Variants in LRRC8D observed in about 807,000 individuals in gnomAD.
LRRC8D encodes leucine rich repeat containing 8 VRAC subunit D, also known as volume-regulated anion channel subunit LRRC8D.
Under a neutral mutation model 55.8 loss-of-function variants are expected in LRRC8D, and 20 were observed. The ratio of observed to expected loss-of-function variants is 0.36; its 90% CI spans 0.25 to 0.52. The LOEUF is 0.52. LRRC8D is among the 20% of genes least tolerant of loss of function. The pLI, the probability that LRRC8D is intolerant of heterozygous loss-of-function variation, is 0.93. For missense variants in LRRC8D, 651 were observed against 1,030.8 expected (o/e 0.63, Z 5.05); for synonymous variants, 352 against 377.0 (o/e 0.93, Z 0.77).
chr1:89,860,855 A>T (rs1661702371), intron 2 of LRRC8D, among the ~76,000 whole-genome samples: 1 of 139,656 alleles, frequency 7.2e-6, no homozygotes, highest in African/African-American at 2.6e-5. Flanking sequence ...TTTTCCTTGA[A>T]ATTCTTTTTA....
At chr1:89,889,236 G>A (rs756548047) in intron 2 of LRRC8D, among the ~76,000 whole-genome samples, 2 of 152,128 alleles carry the variant, frequency 1.3e-5, no homozygotes, top group Non-Finnish European at 2.9e-5. Flanking sequence ...ACTAATTCCA[G>A]TTGGTGGTCA....
intron 2 of LRRC8D, among the ~76,000 whole-genome samples, chr1:89,859,959 A>T (rs149854634): frequency 6.6e-6 from 1 of 152,372 alleles, no homozygotes; most frequent in Non-Finnish European, 1.5e-5. Context: ...CTCTAGATGA[A>T]GAATCAGTAT....
chr1:89,923,421 A>T (rs946398833), intron 2 of LRRC8D, among the ~76,000 whole-genome samples: 3 of 152,248 alleles, frequency 2.0e-5, no homozygotes, highest in Non-Finnish European at 4.4e-5. Flanking sequence ...TATGGATAGG[A>T]TGCAGAGAAA....
intron 2 of LRRC8D, among the ~76,000 whole-genome samples, chr1:89,874,364 A>G (rs564483528): frequency 5.3e-5 from 8 of 152,178 alleles, no homozygotes; most frequent in Admixed American, 1.3e-4. Context: ...TCTCATCTAT[A>G]ATGAGATGGA....
chr1:89,909,030 G>A (rs1436532042), intron 2 of LRRC8D, among the ~76,000 whole-genome samples: 2 of 152,130 alleles, frequency 1.3e-5, no homozygotes, highest in African/African-American at 2.4e-5. Context: ...TTGCGTGTGT[G>A]TGTGTGTCTG....
chr1:89,840,299 C>T (rs896935047), intron 1 of LRRC8D, among the ~76,000 whole-genome samples: 15 of 152,246 alleles, frequency 9.9e-5, no homozygotes, highest in African/African-American at 2.9e-4. Context: ...ACAGAAGGAG[C>T]GGGCGAATAG....
chr1:89,918,820 T>A (rs993961400), intron 2 of LRRC8D, among the ~76,000 whole-genome samples: 4 of 152,230 alleles, frequency 2.6e-5, no homozygotes, highest in South Asian at 2.1e-4. Flanking sequence ...TTAGAGTTGT[T>A]GATCATTTTG....
chr1:89,915,016 CTGTGTG>C lies in LRRC8D; in HGVS notation c.-2-18026_-2-18021del, dbSNP rs56870719. Among the ~76,000 whole-genome samples the C allele has an allele frequency of 1.1e-3, 166 of 144,846 alleles. 1 individual carries two copies. Among genetic ancestry groups the C allele is most frequent in the Admixed American group, 2.6e-3 (38 of 14,486 alleles). ...CAAGGACTCTATCTATCTTGCTCTA[CTGTGTG>C]TGTGTGTGTGTGTGTGTGTGTGTGG... On this transcript the variant is annotated intron_variant, in intron 2 of 2. Coordinates refer to ENST00000337338, the MANE Select transcript of LRRC8D (RefSeq NM_001134479.2).
chr1:89,896,749 TTCTG>T lies in LRRC8D; in HGVS notation c.-2-36314_-2-36311del, dbSNP rs750945019. On this transcript the variant is annotated intron_variant, in intron 2 of 2. Coordinates refer to ENST00000337338, the MANE Select transcript of LRRC8D (RefSeq NM_001134479.2). ...TAATAATTACTCTTTCTTTCTCCCT[TTCTG>T]TCTTTCTCCCTTTCTCTCTCTCTGT... Among the ~76,000 whole-genome samples the T allele has an allele frequency of 5.9e-5, 9 of 152,134 alleles. No homozygotes were observed. In the South Asian group the frequency reaches 6.2e-4, roughly 10 times the overall value.
intron 1 of LRRC8D, among the ~76,000 whole-genome samples, chr1:89,832,746 C>T (rs2186184): frequency 0.23 from 35,117 of 152,114 alleles, 5,252 homozygotes; most frequent in East Asian, 0.83. Context: ...TGTTTGTGCT[C>T]GTTTGGGGCA....
intron 2 of LRRC8D, among the ~76,000 whole-genome samples, chr1:89,856,566 A>T (rs1052720058): frequency 6.6e-6 from 1 of 152,222 alleles, no homozygotes; most frequent in African/African-American, 2.4e-5. Flanking sequence ...ATGTTGTAAA[A>T]TAGGTAAACA....
chr1:89,935,747 A>G lies in LRRC8D; in HGVS notation c.*102A>G, dbSNP rs1663838517. The G allele has an allele frequency of 9.9e-7, 1 of 1,014,470 alleles. No homozygotes were observed. The highest frequency in any genetic ancestry group is 1.5e-6 in the Non-Finnish European group (1 of 685,964). The allele number at this position is 1,014,470 out of a possible 1,614,324, so 62.8% of individuals were successfully genotyped here. ...GATAATGCATTTTAGGAGTAGATAC[A>G]TCTTTTAAAATAAAACAGAGAGGAT... On this transcript the variant is annotated 3_prime_UTR_variant, in exon 3 of 3. Coordinates refer to ENST00000337338, the MANE Select transcript of LRRC8D (RefSeq NM_001134479.2).
intron 2 of LRRC8D, among the ~76,000 whole-genome samples, chr1:89,890,618 T>A (rs1192299692): frequency 1.3e-5 from 2 of 152,226 alleles, no homozygotes; most frequent in African/African-American, 4.8e-5. Context: ...GAATTATCTT[T>A]TGACTTAAGA....
intron 2 of LRRC8D, among the ~76,000 whole-genome samples, chr1:89,858,400 C>T (rs867986893): frequency 5.3e-5 from 8 of 152,084 alleles, no homozygotes; most frequent in African/African-American, 1.9e-4. Context: ...TTTCAGGGAA[C>T]TCACCTCCCC....
At chr1:89,860,089 T>C (rs1486507738) in intron 2 of LRRC8D, among the ~76,000 whole-genome samples, 5 of 152,218 alleles carry the variant, frequency 3.3e-5, no homozygotes, top group Non-Finnish European at 5.9e-5. Context: ...GATAGTTTGT[T>C]TGACTTGAAG....
intron 2 of LRRC8D, among the ~76,000 whole-genome samples, chr1:89,914,486 A>G (rs1222168036): frequency 1.3e-5 from 2 of 152,184 alleles, no homozygotes; most frequent in Non-Finnish European, 2.9e-5. Context: ...GAGAGCAAGC[A>G]AGGGCTTTGA....
chr1:89,823,905 A>T (rs1045030311), intron 1 of LRRC8D, among the ~76,000 whole-genome samples: 1 of 152,194 alleles, frequency 6.6e-6, no homozygotes, highest in African/African-American at 2.4e-5. Context: ...AGGGATGTGG[A>T]ACAGAATATA....
At chr1:89,899,879 A>T (rs1193903992) in intron 2 of LRRC8D, among the ~76,000 whole-genome samples, 1 of 152,198 alleles carries the variant, frequency 6.6e-6, no homozygotes, top group African/African-American at 2.4e-5. Context: ...GTATCACTCT[A>T]AGGATTCAGC....
At chr1:89,903,170 C>T (rs1034155695) in intron 2 of LRRC8D, among the ~76,000 whole-genome samples, 1 of 152,004 alleles carries the variant, frequency 6.6e-6, no homozygotes, top group Non-Finnish European at 1.5e-5. Flanking sequence ...ACTCCTGTGT[C>T]TCTTCTCTTC....
Sources: gnomAD v4.1 joint callset for allele counts (sites outside exome capture counted in the v4.1 genomes callset) on GRCh38, gnomAD v4.1.1 for gene constraint, MANE v1.5 for transcripts, NCBI Gene and HGNC (gene_info 2026-07-23, HGNC 2026-07-21) for gene names.